CHML: variants seen among roughly 807,000 people sequenced by gnomAD.
CHML encodes CHM like Rab escort protein.
A neutral mutation model predicts 30.4 loss-of-function variants in CHML; 20 were observed. The observed-to-expected ratio is 0.66, with a 90% CI of 0.46 to 0.95. The LOEUF (loss-of-function observed/expected upper bound fraction) is 0.95, where lower values mean the gene tolerates loss of function less well. CHML is among the 40% of genes least tolerant of loss of function. The pLI is 0.00. For synonymous variants in CHML, 281 were observed against 275.0 expected (o/e 1.02, Z -0.22); for missense variants, 795 against 768.5 (o/e 1.03, Z -0.41).
chr1:241,634,885 C>T lies in CHML; in HGVS notation c.882G>A (p.Lys294=). Residue 294 remains lysine (K), a synonymous_variant, in exon 2 of 2, where the codon AAG becomes AAA. Coordinates refer to ENST00000366553, the MANE Select transcript of CHML (RefSeq NM_001381853.1). ...FNSKELTMVE[K]RMLMKFLTFC... ...ATGTGAGAAATTTCATTAGCATCCT[C>T]TTTTCAACCATGGTGAGTTCCTTGC... The T allele has an allele frequency of 6.2e-7, 1 of 1,610,400 alleles. No homozygotes were observed. Among genetic ancestry groups the T allele is most frequent in the Non-Finnish European group, 8.5e-7 (1 of 1,178,738 alleles).
Position 241,634,968 on chromosome 1 carries a change from CA to C in CHML, c.798del (p.Ala267HisfsTer7). 1.2e-6 allele frequency: 2 copies of C among 1,613,574 alleles called. No individual in the cohort carries two copies. The highest frequency in any genetic ancestry group is 1.7e-6 in the Non-Finnish European group (2 of 1,179,824). On this transcript the variant is annotated frameshift_variant, in exon 2 of 2. Coordinates refer to ENST00000366553, the MANE Select transcript of CHML (RefSeq NM_001381853.1). LOFTEE classifies it high-confidence loss of function. ...TGTTCTACCTTTCCTTCCCGAAATG[CA>C]AGAATCCTAGTGACATTTTTAAATT... ...YVEFKNVTRI[L>X]AFREGKVEQV...
Position 241,637,787 on chromosome 1 carries a change from T to A in CHML, c.-307-1714A>T, listed in dbSNP as rs1664955716. ...GACTTGAGAAAGCCCGCACAATGCATGAGTCGCAGGATAAGGAACAGGATC... is the reference window on the plus strand; with the variant it reads ...GACTTGAGAAAGCCCGCACAATGCAAGAGTCGCAGGATAAGGAACAGGATC... On this transcript the variant is annotated intron_variant, in intron 1 of 1. Transcript: ENST00000366553. Among the ~76,000 whole-genome samples, 2 of 152,178 alleles carry A rather than the reference T, an allele frequency of 1.3e-5. 1 individual carries two copies. The highest frequency in any genetic ancestry group is 1.3e-4 in the Admixed American group (2 of 15,286).
In CHML at chr1:241,635,907, C is replaced by G. The variant is rs1420911345; in HGVS notation, c.-141G>C. 1.3e-6 allele frequency: 1 copy of G among 759,478 alleles called. No homozygotes were observed. The highest frequency in any genetic ancestry group is 3.3e-5 in the Admixed American group (1 of 30,314). 47.0% of individuals were successfully genotyped at this position (759,478 alleles called of 1,614,324 possible). A position where few individuals can be genotyped will look rare whatever the true frequency, so the allele number is the denominator to read the frequency against. On this transcript the variant is annotated 5_prime_UTR_variant, in exon 2 of 2. Transcript: ENST00000366553. ...AGGTCCTAGCTGTTTAACGGTTACCCTTTTAAAATATTTTTTTTCTTATAA... is the reference window on the plus strand; with the variant it reads ...AGGTCCTAGCTGTTTAACGGTTACCGTTTTAAAATATTTTTTTTCTTATAA...
rs536794506 is a variant in CHML, at chr1:241,638,659, T to C, written c.-308+1223A>G. On this transcript the variant is annotated intron_variant, in intron 1 of 1. Coordinates refer to ENST00000366553, the MANE Select transcript of CHML (RefSeq NM_001381853.1). The stretch of plus-strand genomic sequence containing the variant: ...GTCCCCTCCCTAAATTTCAAATGTT[T>C]GTTCAAATGAAATTATCAGATTAAA... Among the ~76,000 whole-genome samples the C allele has an allele frequency of 9.2e-5, 14 of 152,246 alleles. No individual in the cohort carries two copies. In the South Asian group the frequency reaches 2.9e-3, roughly 32 times the overall value.
At chr1:241,639,838 G>A in intron 1 of CHML, 44 bp downstream of exon 1, 1 of 1,443,550 alleles carries the variant, frequency 6.9e-7, no homozygotes. Flanking sequence ...GGTGGGGAGT[G>A]GAAGTTTGCA....
In CHML at chr1:241,635,975, TGA is replaced by T; in HGVS notation, c.-211_-210del. 1 of 532,822 alleles carries T rather than the reference TGA, an allele frequency of 1.9e-6. No homozygotes were observed. Among genetic ancestry groups the T allele is most frequent in the South Asian group, 3.2e-5 (1 of 31,496 alleles). 33.0% of individuals were successfully genotyped at this position (532,822 alleles called of 1,614,324 possible). A position where few individuals can be genotyped will look rare whatever the true frequency, so the allele number is the denominator to read the frequency against. On this transcript the variant is annotated 5_prime_UTR_variant, in exon 2 of 2. It introduces an in-frame stop codon into an upstream open reading frame of the 5' UTR. Coordinates refer to ENST00000366553, the MANE Select transcript of CHML (RefSeq NM_001381853.1). Reference sequence around the variant, plus strand: ...ATGAGCAAGTACATCTAATCACATCTGAGAATACTAAAATGGATGTGTGGTTT... The same window carrying T: ...ATGAGCAAGTACATCTAATCACATCTGAATACTAAAATGGATGTGTGGTTT...
chr1:241,634,810 C>G lies in CHML; in HGVS notation c.957G>C (p.Gln319His). 1 of 1,613,752 alleles carries G rather than the reference C, an allele frequency of 6.2e-7. No individual in the cohort carries two copies. The highest frequency in any genetic ancestry group is 8.5e-7 in the Non-Finnish European group (1 of 1,179,834). ...TTTTTAAGTATTCTGAAAATGAACACTGCCTGAAAGCTTGGTATTCATCAG... is the reference window on the plus strand; with the variant it reads ...TTTTTAAGTATTCTGAAAATGAACAGTGCCTGAAAGCTTGGTATTCATCAG... ...QHPDEYQAFRQCSFSEYLKTK... is the reference protein window; with the variant it reads ...QHPDEYQAFRHCSFSEYLKTK... The change falls in exon 2 of 2, where the codon CAG becomes CAC. Residue 319 changes from glutamine to histidine, a missense_variant. Transcript: ENST00000366553.
At position 241,634,356 on chromosome 1, in the gene CHML, C is replaced by A. The variant is rs368722099; in HGVS notation, c.1411G>T (p.Asp471Tyr). ...TDQSILKTDLDQQTSILIVPP... is the reference protein window; with the variant it reads ...TDQSILKTDLYQQTSILIVPP... The stretch of plus-strand genomic sequence containing the variant: ...ACTATCAGAATGGAAGTCTGCTGAT[C>A]TAAATCTGTCTTTAGTATAGACTGA... Residue 471 changes from aspartate (D) to tyrosine (Y), a missense_variant, in exon 2 of 2, where the codon GAT becomes TAT. Coordinates refer to ENST00000366553, the MANE Select transcript of CHML (RefSeq NM_001381853.1). The A allele has an allele frequency of 3.6e-5, 58 of 1,613,870 alleles. No homozygotes were observed. Among genetic ancestry groups the A allele is most frequent in the Non-Finnish European group, 4.5e-5 (53 of 1,179,930 alleles).
In CHML at chr1:241,629,729, A is replaced by G. The variant is rs1664547306; in HGVS notation, c.*4067T>C. 1 of 152,124 alleles carries G rather than the reference A, an allele frequency of 6.6e-6. No individual in the cohort carries two copies. Among genetic ancestry groups the G allele is most frequent in the Non-Finnish European group, 1.5e-5 (1 of 67,946 alleles). The allele number at this position is 152,124 out of a possible 1,614,324, so 9.4% of individuals were successfully genotyped here. On this transcript the variant is annotated 3_prime_UTR_variant, in exon 2 of 2. Transcript: ENST00000366553. ...TACTTAACATTTTAATTCATTTGGAATATCACATGTAAAGTGGATCTAATC... is the reference window on the plus strand; with the variant it reads ...TACTTAACATTTTAATTCATTTGGAGTATCACATGTAAAGTGGATCTAATC...
Position 241,631,907 on chromosome 1 carries a change from A to G in CHML, c.*1889T>C, listed in dbSNP as rs1664650331. 6.6e-6 allele frequency: 1 copy of G among 152,156 alleles called. No homozygotes were observed. The highest frequency in any genetic ancestry group is 2.1e-4 in the South Asian group (1 of 4,832). 9.4% of individuals were successfully genotyped at this position (152,156 alleles called of 1,614,324 possible). A position where few individuals can be genotyped will look rare whatever the true frequency, so the allele number is the denominator to read the frequency against. ...AACAGTGAATGTTAGTAGAAAGATC[A>G]AAGGTTTTAGAATCACAAAAGGCTG... On this transcript the variant is annotated 3_prime_UTR_variant, in exon 2 of 2. Coordinates refer to ENST00000366553, the MANE Select transcript of CHML (RefSeq NM_001381853.1).
chr1:241,629,381 A>G lies in CHML; in HGVS notation c.*4415T>C, dbSNP rs1270873032. 1.3e-5 allele frequency: 2 copies of G among 152,136 alleles called. No homozygotes were observed. Among genetic ancestry groups the G allele is most frequent in the Non-Finnish European group, 2.9e-5 (2 of 67,976 alleles). The allele number at this position is 152,136 out of a possible 1,614,324, so 9.4% of individuals were successfully genotyped here. A position where few individuals can be genotyped will look rare whatever the true frequency, so the allele number is the denominator to read the frequency against. On this transcript the variant is annotated 3_prime_UTR_variant, in exon 2 of 2. Transcript: ENST00000366553. Reference sequence around the variant, plus strand: ...GCAATTAAAACAGTTTTGCTAATACAATAGCATGAACTAAGTCAAAGTTGC... The same window carrying G: ...GCAATTAAAACAGTTTTGCTAATACGATAGCATGAACTAAGTCAAAGTTGC...
rs1664860829 is a variant in CHML at position 241,635,519 on chromosome 1, G to A, written c.248C>T (p.Thr83Ile). ...TVVWQDLIHE[T>I]EEAITLRKKD... ...CTTGCGAAGAGTGATGGCTTCTTCT[G>A]TTTCATGGATCAGGTCCTGCCATAC... Residue 83 changes from threonine to isoleucine, a missense_variant, in exon 2 of 2, where the codon ACA becomes ATA. Coordinates refer to ENST00000366553, the MANE Select transcript of CHML (RefSeq NM_001381853.1). 1.4e-5 allele frequency: 23 copies of A among 1,613,922 alleles called. No individual in the cohort carries two copies. The highest frequency in any genetic ancestry group is 1.9e-5 in the Non-Finnish European group (22 of 1,179,940).
At position 241,635,457 on chromosome 1, in the gene CHML, A is replaced by T; in HGVS notation, c.310T>A (p.Tyr104Asn). The T allele has an allele frequency of 1.2e-6, 2 of 1,613,832 alleles. No individual in the cohort carries two copies. Among genetic ancestry groups the T allele is most frequent in the Non-Finnish European group, 1.7e-6 (2 of 1,179,926 alleles). Residue 104 changes from tyrosine to asparagine, a missense_variant, in exon 2 of 2, where the codon TAC becomes AAC. Physicochemically the swap from Tyr to Asn is moderately radical, Grantham distance 143. Transcript: ENST00000366553. ...TTGTCCTCCATATCCTGACTGGCGT[A>T]GCAAAAAGCTTCTGTGTGTTGAATA... ...ETIQHTEAFC[Y>N]ASQDMEDNVE...
chr1:241,638,251 A>G (rs1319718714), intron 1 of CHML, among the ~76,000 whole-genome samples: 1 of 152,156 alleles, frequency 6.6e-6, no homozygotes, highest in Non-Finnish European at 1.5e-5. Context: ...CTGGGACCCT[A>G]GGAGGGATGG....
chr1:241,638,234 C>G (rs1047513540), intron 1 of CHML, among the ~76,000 whole-genome samples: 1 of 152,020 alleles, frequency 6.6e-6, no homozygotes, highest in Non-Finnish European at 1.5e-5. Flanking sequence ...CTTAGAAAAT[C>G]ACTGGGCTGG....
At chr1:241,639,822 C>T in intron 1 of CHML, 60 bp downstream of exon 1, 1 of 1,367,186 alleles carries the variant, frequency 7.3e-7, no homozygotes, top group Non-Finnish European at 9.5e-7. Flanking sequence ...ACGGAGCGGG[C>T]AGCGGGGTGG....
Position 241,639,952 on chromosome 1 carries a change from G to A in CHML, c.-378C>T, listed in dbSNP as rs759044681. The A allele has an allele frequency of 3.7e-6, 6 of 1,609,866 alleles. No homozygotes were observed. In the South Asian group the frequency reaches 6.6e-5, roughly 18 times the overall value. On this transcript the variant is annotated 5_prime_UTR_variant, in exon 1 of 2. Transcript: ENST00000366553. ...CCCACACCCAGCCGTTCCTCAGGCA[G>A]GACACGAAGGTAAAGGTGACCCCGA... is the stretch of plus-strand genomic sequence containing the variant.
chr1:241,635,107 A>G lies in CHML; in HGVS notation c.660T>C (p.Ser220=), dbSNP rs1553356880. 3 of 1,612,676 alleles carry G rather than the reference A, an allele frequency of 1.9e-6. No homozygotes were observed. Among genetic ancestry groups the G allele is most frequent in the South Asian group, 2.2e-5 (2 of 90,924 alleles). ...ACCTCCTGCCTTCTTTAACTATTTG[A>G]GAGTAAGTAATCCTATTTCTAATTG... ...DEPIRNRITY[S]QIVKEGRRFN... is the part of the protein sequence containing the mutation. Residue 220 remains serine (S), a synonymous_variant, in exon 2 of 2, where the codon TCT becomes TCC. Transcript: ENST00000366553.
chr1:241,639,773 G>GCATCATTAAA (rs1665043115), intron 1 of CHML, 109 bp downstream of exon 1: 1 of 1,089,946 alleles, frequency 9.2e-7, no homozygotes, highest in Non-Finnish European at 1.2e-6. Flanking sequence ...GCGCGGGGCC[G>GCATCATTAAA]AGCGGGAAGC....
Sources: allele counts gnomAD v4.1 joint callset (sites outside exome capture counted in the v4.1 genomes callset), GRCh38; gene constraint gnomAD v4.1.1; transcripts MANE v1.5; gene names NCBI Gene and HGNC (gene_info 2026-07-23, HGNC 2026-07-21).